The following URB1 variants were observed in gnomAD, a reference collection of about 807,000 sequenced individuals.
URB1 encodes the protein URB1 ribosome biogenesis factor, also known as nucleolar pre-ribosomal-associated protein 1.
URB1 carries 197 observed loss-of-function variants against 242.3 expected under a neutral mutation model. The observed-to-expected ratio is 0.81, with a 90% CI of 0.72 to 0.91. The LOEUF is 0.91. Ranked by LOEUF, URB1 falls within the 40% of genes least tolerant of loss-of-function variation. The pLI is 0.00. For missense variants in URB1, 2,721 were observed against 2,860.5 expected (o/e 0.95, Z 1.11); for synonymous variants, 1,153 against 1,201.8 (o/e 0.96, Z 0.84).
chr21:32,357,079 C>T (rs1328410047), intron 15 of URB1, among the ~76,000 whole-genome samples: 3 of 152,214 alleles, frequency 2.0e-5, no homozygotes, highest in Non-Finnish European at 4.4e-5. Context: ...TATCATAAGA[C>T]CTGACATAGC....
intron 30 of URB1, among the ~76,000 whole-genome samples, chr21:32,331,179 A>C (rs2032889037): frequency 6.6e-6 from 1 of 152,164 alleles, no homozygotes; most frequent in Non-Finnish European, 1.5e-5. Flanking sequence ...GTGTGCCGCC[A>C]CACCCCCAGC....
chr21:32,358,058 A>C (rs2033244849), intron 14 of URB1, among the ~76,000 whole-genome samples: 1 of 152,172 alleles, frequency 6.6e-6, no homozygotes, highest in African/African-American at 2.4e-5. Context: ...ATAACGTAGC[A>C]GGAGCCATCA....
chr21:32,356,180 A>C (rs1215113515), intron 15 of URB1, among the ~76,000 whole-genome samples: 1 of 152,190 alleles, frequency 6.6e-6, no homozygotes, highest in Non-Finnish European at 1.5e-5. Flanking sequence ...CAGGAGCTTG[A>C]GATCAGCGGA....
chr21:32,343,604 T>TC (rs2033054215), intron 24 of URB1, among the ~76,000 whole-genome samples: 4 of 152,260 alleles, frequency 2.6e-5, no homozygotes, highest in Admixed American at 2.6e-4. Flanking sequence ...GGTACACAGA[T>TC]ACATGAAGTA....
At chr21:32,346,524 T>C (rs780192712) in intron 22 of URB1, among the ~76,000 whole-genome samples, 30 of 152,164 alleles carry the variant, frequency 2.0e-4, no homozygotes, top group African/African-American at 6.5e-4. Context: ...TGAAACCCAG[T>C]GAGTGGAGAC....
At chr21:32,384,509 T>C (rs1314224537) in intron 2 of URB1, 45 bp from the exon 3 acceptor site, 1 of 1,539,688 alleles carries the variant, frequency 6.5e-7, no homozygotes, top group Non-Finnish European at 8.8e-7. Flanking sequence ...CTCATTTCCT[T>C]TCCTCCTGTA....
intron 25 of URB1, among the ~76,000 whole-genome samples, chr21:32,341,169 A>G (rs1816524738): frequency 6.6e-6 from 1 of 152,212 alleles, no homozygotes; most frequent in Non-Finnish European, 1.5e-5. Flanking sequence ...GATGAGAAAG[A>G]AACAGGACAA....
chr21:32,334,774 T>G (rs999965402), intron 28 of URB1, among the ~76,000 whole-genome samples: 4 of 152,068 alleles, frequency 2.6e-5, no homozygotes, highest in African/African-American at 9.7e-5. Context: ...GGCTCCTGAG[T>G]CCATGCTAGA....
chr21:32,336,560 C>T (rs1450419843), intron 28 of URB1, among the ~76,000 whole-genome samples: 2 of 152,182 alleles, frequency 1.3e-5, no homozygotes, highest in Non-Finnish European at 2.9e-5. Context: ...GGAAAGGTGT[C>T]ACACTCAGCC....
intron 1 of URB1, among the ~76,000 whole-genome samples, chr21:32,386,768 C>T (rs187993906): frequency 6.6e-6 from 1 of 152,312 alleles, no homozygotes; most frequent in East Asian, 1.9e-4. Flanking sequence ...ACCCTCCACC[C>T]TAGGTATGAG....
At chr21:32,324,860 G>A (rs1323436222) in intron 31 of URB1, among the ~76,000 whole-genome samples, 1 of 152,182 alleles carries the variant, frequency 6.6e-6, no homozygotes, top group East Asian at 1.9e-4. Context: ...AATCTAATCT[G>A]CTCTTGTTCC....
intron 36 of URB1, 30 bp downstream of exon 36, chr21:32,319,187 A>C: frequency 6.5e-7 from 1 of 1,531,650 alleles, no homozygotes; most frequent in African/African-American, 1.4e-5. Flanking sequence ...AAGAGGCCAG[A>C]AGGGCCCCCC....
rs1180025700 is a variant in URB1 at position 32,392,777 on chromosome 21, G to A, written c.134C>T (p.Pro45Leu). ...FKAQLKDPQG[P>L]GPGLEAFVSA... ...TGCCGCCCCGGACTCACCTGGCCCGGGGCCCTGCGGGTCCTTCAGCTGAGC... is the reference window on the plus strand; with the variant it reads ...TGCCGCCCCGGACTCACCTGGCCCGAGGCCCTGCGGGTCCTTCAGCTGAGC... Residue 45 changes from proline (P) to leucine (L), a missense_variant, in exon 1 of 39, where the codon CCC becomes CTC. By Grantham distance (98) the Pro-to-Leu change is moderately conservative. Transcript: ENST00000382751. The A allele has an allele frequency of 1.3e-6, 2 of 1,482,586 alleles. No individual in the cohort carries two copies. 91.8% of individuals were successfully genotyped at this position (1,482,586 alleles called of 1,614,324 possible).
At chr21:32,383,266 C>A (rs751320685) in intron 4 of URB1, among the ~76,000 whole-genome samples, 156 bp downstream of exon 4, 1 of 152,232 alleles carries the variant, frequency 6.6e-6, no homozygotes, top group Non-Finnish European at 1.5e-5. Flanking sequence ...CCTGTCCTCA[C>A]AGACAGATCC....
intron 19 of URB1, 88 bp downstream of exon 19, chr21:32,352,622 C>G (rs570437829): frequency 9.9e-5 from 147 of 1,486,012 alleles, no homozygotes; most frequent in Non-Finnish European, 1.2e-4. Context: ...TGTCTGGCTA[C>G]CCAACTGCAC....
At chr21:32,345,836 C>T (rs2833780) in intron 22 of URB1, among the ~76,000 whole-genome samples, 23,198 of 152,052 alleles carry the variant, frequency 0.15, 2,146 homozygotes, top group African/African-American at 0.26. Context: ...TGGCTATAGA[C>T]GCTATTTCTA....
At position 32,314,493 on chromosome 21, in the gene URB1, A is replaced by G; in HGVS notation, c.*425T>C. ...AGCCACCTCACCTGCTGAAAAATAA[A>G]CTTTAAACATCTCTCTTCGTTTTCA... is the stretch of plus-strand genomic sequence containing the variant. On this transcript the variant is annotated 3_prime_UTR_variant, in exon 39 of 39. Transcript: ENST00000382751. 1.3e-6 allele frequency: 2 copies of G among 1,526,798 alleles called. No individual in the cohort carries two copies. Among genetic ancestry groups the G allele is most frequent in the Non-Finnish European group, 1.8e-6 (2 of 1,101,126 alleles). 94.6% of individuals were successfully genotyped at this position (1,526,798 alleles called of 1,614,324 possible). A position where few individuals can be genotyped will look rare whatever the true frequency, so the allele number is the denominator to read the frequency against.
At chr21:32,341,740 C>G (rs775427667) in intron 24 of URB1, among the ~76,000 whole-genome samples, 28 of 147,738 alleles carry the variant, frequency 1.9e-4, no homozygotes, top group Non-Finnish European at 4.0e-4. Context: ...GTTCTGGACT[C>G]TCTGTGCAAT....
At chr21:32,329,893 T>A (rs1444944700) in intron 30 of URB1, among the ~76,000 whole-genome samples, 3 of 152,202 alleles carry the variant, frequency 2.0e-5, no homozygotes, top group Non-Finnish European at 4.4e-5. Flanking sequence ...CAGCAAAGAT[T>A]ACATCATGTG....
Sources: allele counts gnomAD v4.1 joint callset (sites outside exome capture counted in the v4.1 genomes callset), GRCh38; gene constraint gnomAD v4.1.1; transcripts MANE v1.5; gene names NCBI Gene and HGNC (gene_info 2026-07-23, HGNC 2026-07-21).